Variants in IL21R observed in about 807,000 individuals in gnomAD.
The protein encoded by IL21R is interleukin-21 receptor.
In IL21R, 14 loss-of-function variants were observed where a neutral mutation model predicts 41.3. The observed-to-expected ratio is 0.34, with a 90% CI of 0.22 to 0.53. The LOEUF is 0.53. Ranked by LOEUF, IL21R falls within the 20% of genes least tolerant of loss-of-function variation. The pLI is 0.94. For missense variants in IL21R, 588 were observed against 681.6 expected, an observed-to-expected ratio of 0.86 and a Z score of 1.53; for synonymous variants, 286 against 287.6, an observed-to-expected ratio of 0.99 and a Z score of 0.05.
chr16:27,410,097 A>G (rs1671367640), intron 1 of IL21R, among the ~76,000 whole-genome samples: 1 of 152,178 alleles, frequency 6.6e-6, no homozygotes, highest in Non-Finnish European at 1.5e-5. Context: ...GCACTTTGGG[A>G]GGCCAAGGTG....
intron 1 of IL21R, among the ~76,000 whole-genome samples, chr16:27,418,656 CG>C (rs1217852742): frequency 1.3e-5 from 2 of 152,166 alleles, no homozygotes; most frequent in Non-Finnish European, 2.9e-5. Flanking sequence ...AGGCATGAGC[CG>C]CTGCGCCCCG....
intron 1 of IL21R, among the ~76,000 whole-genome samples, chr16:27,428,738 C>T (rs1424066601): frequency 6.6e-6 from 1 of 152,230 alleles, no homozygotes; most frequent in African/African-American, 2.4e-5. Flanking sequence ...GTTCCTTCTC[C>T]ATCCTGGCCC....
In IL21R at chr16:27,441,671, C is replaced by T. The variant is rs946390048; in HGVS notation, c.353-1291C>T. ...CAGAAATGGAAAATGAATGGATTTG[C>T]CAGCACGTTGCTGAGAACATTTTTG... On this transcript the variant is annotated intron_variant, in intron 4 of 8. Coordinates refer to ENST00000337929, the MANE Select transcript of IL21R (RefSeq NM_181078.3). Among the ~76,000 whole-genome samples the T allele has an allele frequency of 9.2e-5, 14 of 152,296 alleles. No homozygotes were observed. The East Asian group carries it at 2.5e-3, about 27-fold the overall frequency.
chr16:27,417,689 A>G (rs1465846128), intron 1 of IL21R, among the ~76,000 whole-genome samples: 2 of 152,168 alleles, frequency 1.3e-5, no homozygotes, highest in Non-Finnish European at 2.9e-5. Flanking sequence ...GCACAGCATG[A>G]TACGGTACTG....
At chr16:27,429,007 T>C (rs1372263979) in intron 1 of IL21R, among the ~76,000 whole-genome samples, 1 of 152,174 alleles carries the variant, frequency 6.6e-6, no homozygotes, top group African/African-American at 2.4e-5. Context: ...GTGGATCACC[T>C]GTGGCCAGGA....
At chr16:27,426,528 C>G (rs933243789) in intron 1 of IL21R, among the ~76,000 whole-genome samples, 1 of 152,206 alleles carries the variant, frequency 6.6e-6, no homozygotes. Flanking sequence ...GGGCAGGAGT[C>G]TGCTCCAGCA....
chr16:27,441,133 C>A (rs1043853438), intron 4 of IL21R, among the ~76,000 whole-genome samples: 2 of 148,330 alleles, frequency 1.3e-5, no homozygotes, highest in Admixed American at 1.3e-4. Flanking sequence ...GGAAGGAGAA[C>A]AAAAAAAGAA....
chr16:27,430,435 T>G, intron 2 of IL21R, among the ~76,000 whole-genome samples: 1 of 152,226 alleles, frequency 6.6e-6, no homozygotes, highest in East Asian at 1.9e-4. Context: ...CTGCCTTGGC[T>G]GGCTCCCAAC....
At chr16:27,418,611 C>T (rs1443689444) in intron 1 of IL21R, among the ~76,000 whole-genome samples, 1 of 152,168 alleles carries the variant, frequency 6.6e-6, no homozygotes, top group Non-Finnish European at 1.5e-5. Flanking sequence ...ACCTCGTGAT[C>T]TGCCCGCCTT....
At chr16:27,422,776 G>C (rs2087017246) in intron 1 of IL21R, among the ~76,000 whole-genome samples, 1 of 152,042 alleles carries the variant, frequency 6.6e-6, no homozygotes, top group Admixed American at 6.6e-5. Flanking sequence ...ATTTGATACT[G>C]CTTGTTGGTT....
chr16:27,409,232 TATA>T (rs1490310908), intron 1 of IL21R, among the ~76,000 whole-genome samples: 11 of 147,340 alleles, frequency 7.5e-5, no homozygotes, highest in East Asian at 2.0e-4. Flanking sequence ...TATAAATATA[TATA>T]ATATTTATAA....
chr16:27,444,770 C>T (rs1221566859), intron 6 of IL21R, 51 bp downstream of exon 6: 1 of 1,442,036 alleles, frequency 6.9e-7, no homozygotes, highest in Non-Finnish European at 9.2e-7. Context: ...AAATTTTGTC[C>T]TGTTCTAGCC....
In IL21R at chr16:27,449,458, ATGTGTGTG is replaced by A. The variant is rs35044665; in HGVS notation, c.*187_*194del. On this transcript the variant is annotated 3_prime_UTR_variant, in exon 9 of 9. Coordinates refer to ENST00000337929, the MANE Select transcript of IL21R (RefSeq NM_181078.3). ...TGCATATGTGTGTGTGTGCATATGCATGTGTGTGTGTGTGTGTGTCTTAGGTGCGCAGT... is the reference window on the plus strand; with the variant it reads ...TGCATATGTGTGTGTGTGCATATGCATGTGTGTGTGTCTTAGGTGCGCAGT... 6 of 600,440 alleles carry A rather than the reference ATGTGTGTG, an allele frequency of 1.0e-5. No homozygotes were observed. Among genetic ancestry groups the A allele is most frequent in the Non-Finnish European group, 5.7e-6 (2 of 349,076 alleles). 37.2% of individuals were successfully genotyped at this position (600,440 alleles called of 1,614,324 possible). A position where few individuals can be genotyped will look rare whatever the true frequency, so the allele number is the denominator to read the frequency against.
intron 2 of IL21R, among the ~76,000 whole-genome samples, chr16:27,432,966 A>C (rs1289591380): frequency 6.6e-6 from 1 of 152,096 alleles, no homozygotes; most frequent in Admixed American, 6.5e-5. Flanking sequence ...AGACCAAGAG[A>C]GACAAGAGGC....
At chr16:27,409,142 A>G (rs2086789689) in intron 1 of IL21R, among the ~76,000 whole-genome samples, 1 of 148,236 alleles carries the variant, frequency 6.7e-6, no homozygotes, top group African/African-American at 2.5e-5. Flanking sequence ...AGCACTTGGA[A>G]TTGTGTTTAT....
At chr16:27,448,338 C>T (rs954759168) in intron 8 of IL21R, 196 bp from the exon 9 acceptor site, 1 of 585,800 alleles carries the variant, frequency 1.7e-6, no homozygotes, top group Non-Finnish European at 2.9e-6. Context: ...GCCTGTAGTC[C>T]CAGCTACTTG....
At chr16:27,416,123 C>CTTAT (rs1190112179) in intron 1 of IL21R, among the ~76,000 whole-genome samples, 2 of 151,960 alleles carry the variant, frequency 1.3e-5, no homozygotes, top group Non-Finnish European at 2.9e-5. Flanking sequence ...TAGTAATTCA[C>CTTAT]TTATTTATTT....
intron 1 of IL21R, among the ~76,000 whole-genome samples, chr16:27,414,619 T>C (rs1188954373): frequency 1.3e-5 from 2 of 151,364 alleles, no homozygotes; most frequent in Admixed American, 1.3e-4. Context: ...TTTTCTTTTT[T>C]GACCTATCTA....
chr16:27,430,099 C>G lies in IL21R; in HGVS notation c.28C>G (p.Leu10Val). Residue 10 changes from leucine (L) to valine (V), a missense_variant, in exon 2 of 9, where the codon CTC becomes GTC. Physicochemically the swap from Leu to Val is conservative, Grantham distance 32 (BLOSUM62 1). Transcript: ENST00000337929. Reference sequence around the variant, plus strand: ...GCCGCGTGGCTGGGCCGCCCCCTTGCTCCTGCTGCTGCTCCAGGGAGGTAA... The same window carrying G: ...GCCGCGTGGCTGGGCCGCCCCCTTGGTCCTGCTGCTGCTCCAGGGAGGTAA... MPRGWAAPLLLLLLQGGWGC... is the reference protein window; with the variant it reads MPRGWAAPLVLLLLQGGWGC... 1 of 1,605,164 alleles carries G rather than the reference C, an allele frequency of 6.2e-7. No individual in the cohort carries two copies. Among genetic ancestry groups the G allele is most frequent in the Non-Finnish European group, 8.5e-7 (1 of 1,179,794 alleles).
Sources: gnomAD v4.1 joint callset for allele counts (sites outside exome capture counted in the v4.1 genomes callset) on GRCh38, gnomAD v4.1.1 for gene constraint, MANE v1.5 for transcripts, NCBI Gene and HGNC (gene_info 2026-07-23, HGNC 2026-07-21) for gene names.